Variants in STXBP5L observed in about 807,000 individuals in gnomAD.
The protein encoded by STXBP5L is syntaxin-binding protein 5-like.
STXBP5L carries 65 observed loss-of-function variants against 144.5 expected under a neutral mutation model. That is an observed-to-expected ratio of 0.45 (90% CI 0.37 to 0.55). The LOEUF (loss-of-function observed/expected upper bound fraction) is 0.55. STXBP5L is among the 20% of genes least tolerant of loss of function. The probability of loss-of-function intolerance (pLI) is 0.00; values close to 1 mark genes in which losing one functional copy is unlikely to be tolerated. For missense variants in STXBP5L, 1,298 were observed against 1,405.5 expected, an observed-to-expected ratio of 0.92 and a Z score of 1.22; for synonymous variants, 505 against 469.6, an observed-to-expected ratio of 1.08 and a Z score of -0.97.
At chr3:121,067,247 A>G (rs1182066628) in intron 5 of STXBP5L, among the ~76,000 whole-genome samples, 1 of 151,960 alleles carries the variant, frequency 6.6e-6, no homozygotes, top group African/African-American at 2.4e-5. Context: ...ACTGATTTCA[A>G]TATTTTTTCT....
chr3:121,213,670 TTTG>T (rs3072494), intron 10 of STXBP5L, among the ~76,000 whole-genome samples: 73,447 of 151,438 alleles, frequency 0.48, 18,246 homozygotes, highest in East Asian at 0.73. Context: ...GGCCTGAAAT[TTTG>T]TTGTTGTTGT....
intron 3 of STXBP5L, among the ~76,000 whole-genome samples, chr3:121,030,139 A>T (rs1270832879): frequency 6.6e-6 from 1 of 152,190 alleles, no homozygotes; most frequent in Non-Finnish European, 1.5e-5. Flanking sequence ...AAGGATCTAG[A>T]ACCAGAAATA....
chr3:121,144,692 T>C (rs1336173960), intron 7 of STXBP5L, among the ~76,000 whole-genome samples: 1 of 151,958 alleles, frequency 6.6e-6, no homozygotes, highest in African/African-American at 2.4e-5. Flanking sequence ...AGCCAATATG[T>C]GGAAATGGCC....
chr3:121,094,343 C>G (rs946220265), intron 5 of STXBP5L, among the ~76,000 whole-genome samples: 3 of 152,168 alleles, frequency 2.0e-5, no homozygotes, highest in East Asian at 1.9e-4. Flanking sequence ...CTTTCTGTCT[C>G]GTTGATCTGT....
Position 120,975,676 on chromosome 3 carries a change from A to G in STXBP5L, c.287+20639A>G, listed in dbSNP as rs531791142. On this transcript the variant is annotated intron_variant, in intron 3 of 26. Coordinates refer to ENST00000471454, the MANE Select transcript of STXBP5L (RefSeq NM_001308330.2). The stretch of plus-strand genomic sequence containing the variant: ...GCCCATTCAGTACGATATTGGCTGT[A>G]GGTTTGTCATAGATAGCTCTTATTA... Among the ~76,000 whole-genome samples, 92 of 152,148 alleles carry G rather than the reference A, an allele frequency of 6.0e-4. No homozygotes were observed. In the South Asian group the frequency reaches 0.018, roughly 31 times the overall value.
intron 20 of STXBP5L, among the ~76,000 whole-genome samples, chr3:121,319,336 A>G (rs2108532766): frequency 6.6e-6 from 1 of 152,286 alleles, no homozygotes; most frequent in South Asian, 2.1e-4. Context: ...CAAATTTATA[A>G]AAGTTTAATA....
At chr3:121,373,627 G>T (rs190903826) in intron 20 of STXBP5L, among the ~76,000 whole-genome samples, 1 of 152,308 alleles carries the variant, frequency 6.6e-6, no homozygotes, top group Non-Finnish European at 1.5e-5. Context: ...ATCCCAGGGA[G>T]CAGGTGATCT....
chr3:120,921,925 C>T (rs770682341), intron 2 of STXBP5L, among the ~76,000 whole-genome samples: 5 of 151,630 alleles, frequency 3.3e-5, no homozygotes, highest in Admixed American at 6.6e-5. Flanking sequence ...TTGTTTTGCT[C>T]AGGGTTTCTT....
chr3:121,196,808 T>C (rs1327604375), intron 9 of STXBP5L, among the ~76,000 whole-genome samples: 1 of 151,542 alleles, frequency 6.6e-6, no homozygotes, highest in Non-Finnish European at 1.5e-5. Flanking sequence ...TAGTTGGGAC[T>C]ACAGGCCTTT....
intron 5 of STXBP5L, among the ~76,000 whole-genome samples, chr3:121,107,088 TTTG>T (rs1406347230): frequency 3.9e-5 from 6 of 152,232 alleles, no homozygotes; most frequent in African/African-American, 1.4e-4. Flanking sequence ...TAATGGATTC[TTTG>T]TTTTTTTTTT....
chr3:121,074,484 G>T (rs1412936245), intron 5 of STXBP5L, among the ~76,000 whole-genome samples: 1 of 152,118 alleles, frequency 6.6e-6, no homozygotes, highest in African/African-American at 2.4e-5. Flanking sequence ...CCCATGGGTG[G>T]CTTCTGCTGG....
At chr3:120,977,325 T>C (rs1363629080) in intron 3 of STXBP5L, among the ~76,000 whole-genome samples, 1 of 152,184 alleles carries the variant, frequency 6.6e-6, no homozygotes, top group African/African-American at 2.4e-5. Context: ...CTTTTGATCT[T>C]TGTTGGTTTA....
At chr3:121,021,346 C>G (rs545490313) in intron 3 of STXBP5L, among the ~76,000 whole-genome samples, 1 of 152,066 alleles carries the variant, frequency 6.6e-6, no homozygotes, top group Non-Finnish European at 1.5e-5. Flanking sequence ...ACTGATAGTA[C>G]TAGACAGGTC....
chr3:121,246,281 A>G (rs2049850383), intron 14 of STXBP5L, among the ~76,000 whole-genome samples: 1 of 152,222 alleles, frequency 6.6e-6, no homozygotes, highest in South Asian at 2.1e-4. Flanking sequence ...CTGAGGTGGA[A>G]CAGTTTCATC....
At chr3:121,094,861 C>G (rs977011677) in intron 5 of STXBP5L, among the ~76,000 whole-genome samples, 4 of 151,818 alleles carry the variant, frequency 2.6e-5, no homozygotes, top group African/African-American at 9.7e-5. Context: ...CAGTTTCTTC[C>G]TAGTCTCGAT....
chr3:121,013,834 G>A (rs910425852), intron 3 of STXBP5L, among the ~76,000 whole-genome samples: 8 of 151,834 alleles, frequency 5.3e-5, no homozygotes, highest in Admixed American at 6.6e-5. Flanking sequence ...AGAAGTAGGG[G>A]ATTAGTTTCA....
At chr3:121,091,476 TG>T (rs1443919729) in intron 5 of STXBP5L, among the ~76,000 whole-genome samples, 1 of 152,150 alleles carries the variant, frequency 6.6e-6, no homozygotes, top group African/African-American at 2.4e-5. Flanking sequence ...CCATTCTAAC[TG>T]GTGTGAGATG....
chr3:120,927,237 T>C (rs1709688072), intron 2 of STXBP5L, among the ~76,000 whole-genome samples: 1 of 152,142 alleles, frequency 6.6e-6, no homozygotes, highest in South Asian at 2.1e-4. Flanking sequence ...GCCCAGCCAA[T>C]TTTTCTGATA....
intron 5 of STXBP5L, among the ~76,000 whole-genome samples, chr3:121,071,059 T>G (rs1195346850): frequency 6.6e-6 from 1 of 152,140 alleles, no homozygotes; most frequent in Non-Finnish European, 1.5e-5. Flanking sequence ...TAACAGAGTT[T>G]TAGTCACACC....
Sources: gnomAD v4.1 joint callset for allele counts (sites outside exome capture counted in the v4.1 genomes callset) on GRCh38, gnomAD v4.1.1 for gene constraint, MANE v1.5 for transcripts, NCBI Gene and HGNC (gene_info 2026-07-23, HGNC 2026-07-21) for gene names.